Variants in PEBP4 observed in about 807,000 individuals in gnomAD.
The protein encoded by PEBP4 is phosphatidylethanolamine-binding protein 4.
In PEBP4, 22 loss-of-function variants were observed where a neutral mutation model predicts 23.9. The ratio of observed to expected loss-of-function variants is 0.92; its 90% CI spans 0.66 to 1.31. The LOEUF (loss-of-function observed/expected upper bound fraction) is 1.31. Ranked by LOEUF, PEBP4 falls within the 40% of genes most tolerant of loss-of-function variation. The pLI, the probability that PEBP4 is intolerant of heterozygous loss-of-function variation, is 0.00. For synonymous variants in PEBP4, 112 were observed against 99.3 expected, an observed-to-expected ratio of 1.13 and a Z score of -0.76; for missense variants, 324 against 281.7, an observed-to-expected ratio of 1.15 and a Z score of -1.07.
chr8:22,719,829 G>A (rs1804485126), intron 6 of PEBP4, among the ~76,000 whole-genome samples: 1 of 152,224 alleles, frequency 6.6e-6, no homozygotes, highest in African/African-American at 2.4e-5. Flanking sequence ...GGCTGGTGGA[G>A]AGGCAGCCCT....
At chr8:22,757,916 T>TAGA (rs1805424777) in intron 4 of PEBP4, 1 of 152,240 alleles carries the variant, frequency 6.6e-6, no homozygotes, top group Non-Finnish European at 1.5e-5. Flanking sequence ...CCAGCTTCCC[T>TAGA]GGCCGGATGC....
At chr8:22,808,544 G>A (rs565933095) in intron 4 of PEBP4, among the ~76,000 whole-genome samples, 1 of 152,368 alleles carries the variant, frequency 6.6e-6, no homozygotes, top group South Asian at 2.1e-4. Flanking sequence ...ACTAATTGAG[G>A]TTTAACTGAG....
intron 4 of PEBP4, among the ~76,000 whole-genome samples, chr8:22,749,679 C>G (rs536153327): frequency 2.6e-4 from 39 of 152,276 alleles, no homozygotes; most frequent in African/African-American, 8.7e-4. Flanking sequence ...GGTCAGCCAC[C>G]CTTTAGCCAG....
chr8:22,758,900 G>T (rs1355077632), intron 4 of PEBP4, among the ~76,000 whole-genome samples: 1 of 152,074 alleles, frequency 6.6e-6, no homozygotes, highest in African/African-American at 2.4e-5. Context: ...TTTCATGACA[G>T]AAAGAGGAGT....
At chr8:22,873,113 G>A (rs990018800) in intron 3 of PEBP4, among the ~76,000 whole-genome samples, 1 of 152,142 alleles carries the variant, frequency 6.6e-6, no homozygotes, top group Non-Finnish European at 1.5e-5. Flanking sequence ...TTCTTCCCCA[G>A]GTGAGTATAA....
intron 3 of PEBP4, among the ~76,000 whole-genome samples, chr8:22,819,172 C>T (rs1189790479): frequency 2.0e-5 from 3 of 152,112 alleles, no homozygotes; most frequent in South Asian, 2.1e-4. Flanking sequence ...CATGGCTGAA[C>T]TGTAAAACAT....
intron 4 of PEBP4, among the ~76,000 whole-genome samples, chr8:22,789,806 C>T (rs1349214445): frequency 6.6e-6 from 1 of 152,258 alleles, no homozygotes; most frequent in Non-Finnish European, 1.5e-5. Flanking sequence ...TCCTCTCCGC[C>T]TCCCACTCTG....
chr8:22,750,611 G>A (rs1319511242), intron 4 of PEBP4, among the ~76,000 whole-genome samples: 1 of 152,160 alleles, frequency 6.6e-6, no homozygotes, highest in Non-Finnish European at 1.5e-5. Flanking sequence ...GGGAAGGAAG[G>A]GAATATCCCG....
chr8:22,826,448 G>A (rs1187236987), intron 3 of PEBP4, among the ~76,000 whole-genome samples: 2 of 152,152 alleles, frequency 1.3e-5, no homozygotes, highest in African/African-American at 2.4e-5. Flanking sequence ...TGTATATAAG[G>A]TTATTCATTT....
chr8:22,765,071 A>G (rs1805579806), intron 4 of PEBP4, among the ~76,000 whole-genome samples: 1 of 151,704 alleles, frequency 6.6e-6, no homozygotes, highest in Non-Finnish European at 1.5e-5. Flanking sequence ...TTCCCATCGC[A>G]TCGTCACCGG....
intron 3 of PEBP4, among the ~76,000 whole-genome samples, chr8:22,832,602 G>A (rs1279797285): frequency 2.0e-5 from 3 of 152,208 alleles, no homozygotes; most frequent in East Asian, 1.9e-4. Context: ...CTCCTGCCTT[G>A]CCACTGGGGA....
chr8:22,910,102 C>T (rs1043077142), intron 3 of PEBP4, among the ~76,000 whole-genome samples: 2 of 152,232 alleles, frequency 1.3e-5, no homozygotes, highest in Non-Finnish European at 2.9e-5. Flanking sequence ...CCCAGCTGCA[C>T]TCTCCTGCTG....
chr8:22,919,869 G>GT (rs1209455110), intron 3 of PEBP4, among the ~76,000 whole-genome samples: 1 of 152,146 alleles, frequency 6.6e-6, no homozygotes, highest in Non-Finnish European at 1.5e-5. Flanking sequence ...ACACCAGCTG[G>GT]TCTCCACCAG....
Position 22,865,369 on chromosome 8 carries a change from GGC to G in PEBP4, c.259-47636_259-47635del, listed in dbSNP as rs999497654. ...CTGCCCACCCACGGGCGGTGACGGT[GGC>G]GGTGGCGGTGGCGGCGGCGGGACCC... On this transcript the variant is annotated intron_variant, in intron 3 of 6. Coordinates refer to ENST00000256404, the MANE Select transcript of PEBP4 (RefSeq NM_144962.3). This position sits in a 1 kb window ranked among gnomAD's most constrained non-coding sequence, Gnocchi z 6.9. Among the ~76,000 whole-genome samples the G allele has an allele frequency of 3.9e-3, 6 of 1,520 alleles. No individual in the cohort carries two copies. The highest frequency in any genetic ancestry group is 5.8e-3 in the African/African-American group (6 of 1,026). 1.0% of individuals were successfully genotyped at this position (1,520 alleles called of 152,430 possible).
At chr8:22,767,982 A>G (rs1301496663) in intron 4 of PEBP4, among the ~76,000 whole-genome samples, 1 of 151,834 alleles carries the variant, frequency 6.6e-6, no homozygotes, top group African/African-American at 2.4e-5. Context: ...TGATCCGCCC[A>G]CCCCGGCCTC....
intron 1 of PEBP4, among the ~76,000 whole-genome samples, chr8:22,936,225 G>A (rs988801175): frequency 2.0e-5 from 3 of 151,142 alleles, no homozygotes; most frequent in African/African-American, 7.3e-5. Flanking sequence ...AAGAAATGAA[G>A]TGAGGAGATT....
intron 3 of PEBP4, among the ~76,000 whole-genome samples, chr8:22,892,755 A>G (rs1413510739): frequency 6.6e-6 from 1 of 152,232 alleles, no homozygotes; most frequent in African/African-American, 2.4e-5. Context: ...AACAAAATAC[A>G]TGAAACAATG....
intron 3 of PEBP4, among the ~76,000 whole-genome samples, chr8:22,892,180 T>C (rs1210513387): frequency 6.6e-6 from 1 of 152,224 alleles, no homozygotes; most frequent in Non-Finnish European, 1.5e-5. Context: ...GCCTATTTAA[T>C]GCTAAAATAT....
At chr8:22,860,322 A>G (rs1217342116) in intron 3 of PEBP4, among the ~76,000 whole-genome samples, 1 of 151,586 alleles carries the variant, frequency 6.6e-6, no homozygotes, top group Non-Finnish European at 1.5e-5. Flanking sequence ...TTGATATGCA[A>G]CTGATCTCCA....
Sources: gnomAD v4.1 joint callset for allele counts (sites outside exome capture counted in the v4.1 genomes callset) on GRCh38, gnomAD v4.1.1 for gene constraint, Gnocchi (gnomAD v3.1) non-coding constraint, MANE v1.5 for transcripts, NCBI Gene and HGNC (gene_info 2026-07-23, HGNC 2026-07-21) for gene names.